Variants in LMX1A observed in about 807,000 individuals in gnomAD.
LMX1A encodes the protein LIM homeobox transcription factor 1 alpha.
Under a neutral mutation model 49.1 loss-of-function variants are expected in LMX1A, and 15 were observed. That is an observed-to-expected ratio of 0.31 (90% CI 0.20 to 0.47). The LOEUF is 0.47. LMX1A is among the 20% of genes least tolerant of loss of function. The pLI is 1.00. For synonymous variants in LMX1A, 167 were observed against 185.7 expected, an observed-to-expected ratio of 0.90 and a Z score of 0.82; for missense variants, 372 against 475.8, an observed-to-expected ratio of 0.78 and a Z score of 2.03.
intron 3 of LMX1A, among the ~76,000 whole-genome samples, chr1:165,269,901 T>A (rs1653745683): frequency 6.7e-6 from 1 of 150,308 alleles, no homozygotes; most frequent in South Asian, 2.1e-4. Flanking sequence ...GCGGGGAGAG[T>A]TGGTGAGGGA....
chr1:165,212,257 T>C (rs980507522), intron 5 of LMX1A, among the ~76,000 whole-genome samples: 3 of 151,812 alleles, frequency 2.0e-5, no homozygotes, highest in Non-Finnish European at 4.4e-5. Context: ...AGCCCATGCC[T>C]TGCTTTGGCC....
chr1:165,339,601 G>C (rs1656007749), intron 3 of LMX1A, among the ~76,000 whole-genome samples: 1 of 152,194 alleles, frequency 6.6e-6, no homozygotes, highest in Admixed American at 6.5e-5. Context: ...GGAACGCATT[G>C]GCAAAGCAGC....
chr1:165,260,516 T>C (rs1292811189), intron 3 of LMX1A, among the ~76,000 whole-genome samples: 1 of 152,214 alleles, frequency 6.6e-6, no homozygotes, highest in Non-Finnish European at 1.5e-5. Context: ...TTGTGCTATA[T>C]GTCCAAAAAG....
At chr1:165,250,298 T>C (rs560614878) in intron 3 of LMX1A, among the ~76,000 whole-genome samples, 57 of 152,286 alleles carry the variant, frequency 3.7e-4, no homozygotes, top group Non-Finnish European at 7.2e-4. Flanking sequence ...GTATTTGCTG[T>C]GGTTCATGAC....
chr1:165,323,579 G>T (rs910996008), intron 3 of LMX1A, among the ~76,000 whole-genome samples: 6 of 152,174 alleles, frequency 3.9e-5, no homozygotes, highest in Non-Finnish European at 7.3e-5. Context: ...GCCACGTAAA[G>T]TCACCTTCTG....
At chr1:165,238,852 G>A (rs566200226) in intron 4 of LMX1A, among the ~76,000 whole-genome samples, 3 of 152,244 alleles carry the variant, frequency 2.0e-5, no homozygotes, top group Non-Finnish European at 4.4e-5. Flanking sequence ...TAGACTGGAT[G>A]TGAATTCTGG....
chr1:165,235,407 GACACACAC>G (rs5778434), intron 4 of LMX1A, among the ~76,000 whole-genome samples: 4 of 134,494 alleles, frequency 3.0e-5, no homozygotes, highest in African/African-American at 7.3e-5. Context: ...CGCTCGCGCG[GACACACAC>G]ACACACACTC....
intron 3 of LMX1A, among the ~76,000 whole-genome samples, chr1:165,324,249 G>T (rs915922235): frequency 6.6e-6 from 1 of 152,194 alleles, no homozygotes; most frequent in Non-Finnish European, 1.5e-5. Flanking sequence ...CCCACCTAGG[G>T]CTGAACATCC....
At chr1:165,352,199 C>T (rs1447419794) in intron 3 of LMX1A, among the ~76,000 whole-genome samples, 1 of 152,266 alleles carries the variant, frequency 6.6e-6, no homozygotes, top group Admixed American at 6.5e-5. Flanking sequence ...CTTCTACCTC[C>T]CACTTTCTGG....
intron 3 of LMX1A, among the ~76,000 whole-genome samples, chr1:165,286,022 G>A (rs545062868): frequency 6.6e-6 from 1 of 152,296 alleles, no homozygotes; most frequent in African/African-American, 2.4e-5. Context: ...GGGGAGGCAA[G>A]ACCCCTGAGT....
intron 3 of LMX1A, among the ~76,000 whole-genome samples, chr1:165,274,901 A>G (rs1653917547): frequency 1.3e-5 from 2 of 152,220 alleles, no homozygotes; most frequent in Non-Finnish European, 2.9e-5. Flanking sequence ...GGTAGTTGAG[A>G]GGATTAAATA....
At chr1:165,283,832 C>T (rs1654224880) in intron 3 of LMX1A, among the ~76,000 whole-genome samples, 1 of 152,196 alleles carries the variant, frequency 6.6e-6, no homozygotes, top group Admixed American at 6.5e-5. Context: ...TTTAACACAT[C>T]AGGCGGGTTG....
intron 3 of LMX1A, among the ~76,000 whole-genome samples, chr1:165,325,365 A>T (rs1239208894): frequency 1.3e-5 from 2 of 152,188 alleles, no homozygotes; most frequent in Non-Finnish European, 2.9e-5. Context: ...TTTTGTACCA[A>T]TGATAACTAG....
At chr1:165,337,683 T>C (rs1382430920) in intron 3 of LMX1A, among the ~76,000 whole-genome samples, 3 of 152,300 alleles carry the variant, frequency 2.0e-5, no homozygotes, top group Non-Finnish European at 2.9e-5. Context: ...AATAGCTTGC[T>C]TGTGGCTGGT....
intron 4 of LMX1A, among the ~76,000 whole-genome samples, chr1:165,231,298 T>TC (rs1652232043): frequency 6.7e-6 from 1 of 148,800 alleles, no homozygotes; most frequent in African/African-American, 2.4e-5. Context: ...TTAGTTTTTT[T>TC]TTTTTTATTA....
At chr1:165,305,821 T>C (rs1654905395) in intron 3 of LMX1A, among the ~76,000 whole-genome samples, 2 of 152,038 alleles carry the variant, frequency 1.3e-5, no homozygotes, top group Admixed American at 1.3e-4. Flanking sequence ...GACTCCAGAG[T>C]TAGGGCCAAT....
Position 165,213,759 on chromosome 1 carries a change from C to T in LMX1A, c.551G>A (p.Gly184Glu). The change falls in exon 5 of 9, where the codon GGA becomes GAA. Residue 184 changes from glycine (G) to glutamate (E), a missense_variant. Transcript: ENST00000342310. ...ATGGTCCTTGCCTTCCTCAGCAGTT[C>T]CTTTCCCTGCCCCATGGGCTGACTT... ...LCKSAHGAGK[G>E]TAEEGKDHKR... is the part of the protein sequence containing the mutation. 6.2e-7 allele frequency: 1 copy of T among 1,614,186 alleles called. No homozygotes were observed. Among genetic ancestry groups the T allele is most frequent in the South Asian group, 1.1e-5 (1 of 91,068 alleles).
rs1652966042 is a variant in LMX1A, at chr1:165,249,302, C to T, written c.496+106G>A. ...TACACAGAACTGCCTTGCCATGGAG[C>T]TAGGCTGCCCTGGAGGCTGGCCATC... On this transcript the variant is annotated intron_variant, in intron 4 of 8. Coordinates refer to ENST00000342310, the MANE Select transcript of LMX1A (RefSeq NM_177398.4). The T allele has an allele frequency of 2.7e-6, 2 of 740,052 alleles. 1 individual carries two copies. Among genetic ancestry groups the T allele is most frequent in the Admixed American group, 4.2e-5 (2 of 47,304 alleles). 45.8% of individuals were successfully genotyped at this position (740,052 alleles called of 1,614,324 possible). A position where few individuals can be genotyped will look rare whatever the true frequency, so the allele number is the denominator to read the frequency against.
At chr1:165,331,363 CT>C (rs548634797) in intron 3 of LMX1A, among the ~76,000 whole-genome samples, 2 of 152,222 alleles carry the variant, frequency 1.3e-5, no homozygotes, top group Non-Finnish European at 2.9e-5. Flanking sequence ...AGATCTGTAT[CT>C]TTGCTGTTCA....
Sources: gnomAD v4.1 joint callset for allele counts (sites outside exome capture counted in the v4.1 genomes callset) on GRCh38, gnomAD v4.1.1 for gene constraint, MANE v1.5 for transcripts, NCBI Gene and HGNC (gene_info 2026-07-23, HGNC 2026-07-21) for gene names.